PCDHGA2: variants seen among roughly 807,000 people sequenced by gnomAD.
PCDHGA2 encodes protocadherin gamma subfamily A, 2.
PCDHGA2 carries 40 observed loss-of-function variants against 59.2 expected under a neutral mutation model. The observed-to-expected ratio is 0.68, with a 90% CI of 0.52 to 0.88. PCDHGA2 has a LOEUF of 0.88. PCDHGA2 is among the 40% of genes least tolerant of loss of function. The pLI, the probability that PCDHGA2 is intolerant of heterozygous loss-of-function variation, is 0.00. For synonymous variants in PCDHGA2, 560 were observed against 526.0 expected (o/e 1.06, Z -0.89); for missense variants, 1,226 against 1,204.0 (o/e 1.02, Z -0.27).
At chr5:141,419,753 T>C (rs764151937) in intron 1 of PCDHGA2, 10 of 1,613,856 alleles carry the variant, frequency 6.2e-6, no homozygotes, top group South Asian at 2.2e-5. Context: ...GGTGCGTGCT[T>C]TGGGTGACAA....
chr5:141,457,301 CCAAA>C (rs1163780799), intron 1 of PCDHGA2, among the ~76,000 whole-genome samples: 1 of 152,090 alleles, frequency 6.6e-6, no homozygotes, highest in Non-Finnish European at 1.5e-5. Context: ...TTTTATTTTC[CCAAA>C]CAAAGAAACC....
chr5:141,510,814 CT>C, intron 3 of PCDHGA2, 132 bp from the exon 4 acceptor site: 1 of 1,544,688 alleles, frequency 6.5e-7, no homozygotes, highest in Non-Finnish European at 8.8e-7. Context: ...TTGGTGACCC[CT>C]ATATTCCCAG....
intron 1 of PCDHGA2, among the ~76,000 whole-genome samples, chr5:141,472,178 A>G (rs1337942457): frequency 6.6e-6 from 1 of 152,210 alleles, no homozygotes; most frequent in African/African-American, 2.4e-5. Flanking sequence ...AATATCCAGT[A>G]TTGGAATTTG....
Position 141,340,601 on chromosome 5 carries a change from A to G in PCDHGA2, c.1630A>G (p.Ser544Gly). 1.2e-6 allele frequency: 2 copies of G among 1,614,220 alleles called. No individual in the cohort carries two copies. The highest frequency in any genetic ancestry group is 1.7e-6 in the Non-Finnish European group (2 of 1,180,038). The change falls in exon 1 of 4, where the codon AGC (serine) becomes GGC (glycine). Residue 544 changes from serine to glycine, a missense_variant. Coordinates refer to ENST00000394576, the MANE Select transcript of PCDHGA2 (RefSeq NM_018915.4). The part of the protein sequence containing the change: ...ARDSGNPPLS[S>G]NVSLSLFVLD... ...GGACAGCGGGAACCCTCCACTCAGT[A>G]GCAATGTATCATTAAGCCTGTTCGT...
chr5:141,414,635 A>G (rs753834653), intron 1 of PCDHGA2: 72 of 1,613,866 alleles, frequency 4.5e-5, no homozygotes, highest in Admixed American at 2.0e-4. Flanking sequence ...GACAGCAAAG[A>G]GAATGCCCAG....
At chr5:141,413,189 G>C in intron 1 of PCDHGA2, 7 of 1,606,972 alleles carry the variant, frequency 4.4e-6, no homozygotes, top group Non-Finnish European at 6.0e-6. Context: ...GCCGCTCAAA[G>C]GAATCGCTCA....
chr5:141,371,323 AAGAG>A, intron 1 of PCDHGA2: 4 of 1,614,012 alleles, frequency 2.5e-6, no homozygotes, highest in Non-Finnish European at 3.4e-6. Flanking sequence ...CTGGACTTTG[AAGAG>A]AGAGATAGCT....
In PCDHGA2 at chr5:141,374,472, C is replaced by T. The variant is rs749966400; in HGVS notation, c.2424+33077C>T. The T allele has an allele frequency of 5.0e-6, 8 of 1,612,276 alleles. No individual in the cohort carries two copies. The South Asian group carries it at 7.7e-5, about 15-fold the overall frequency. ...GAAATAGTGGACATTAATGACAATA[C>T]ACCCCGATTCTTAAAGGAAGAATTG... On this transcript the variant is annotated intron_variant, in intron 1 of 3. Transcript: ENST00000394576.
At chr5:141,351,772 C>T (rs1758814915) in intron 1 of PCDHGA2, 1 of 1,613,538 alleles carries the variant, frequency 6.2e-7, no homozygotes, top group East Asian at 2.2e-5. Flanking sequence ...TGTCCGTGAG[C>T]CCGCAGAGCG....
At chr5:141,371,563 T>C in intron 1 of PCDHGA2, 2 of 1,613,806 alleles carry the variant, frequency 1.2e-6, no homozygotes, top group Non-Finnish European at 1.7e-6. Flanking sequence ...AAAGGAAACT[T>C]CCCCTTTAAA....
intron 1 of PCDHGA2, chr5:141,383,110 A>G (rs754398892): frequency 1.9e-6 from 3 of 1,614,020 alleles, no homozygotes; most frequent in South Asian, 1.1e-5. Flanking sequence ...CTCCAGAGGT[A>G]GGACGCAGCT....
At chr5:141,367,492 G>A (rs1260519213) in intron 1 of PCDHGA2, 2 of 152,030 alleles carry the variant, frequency 1.3e-5, no homozygotes, top group African/African-American at 2.4e-5. Context: ...AGCCGAGATC[G>A]CGCCACTGCA....
At chr5:141,405,560 G>A in intron 1 of PCDHGA2, 1 of 613,636 alleles carries the variant, frequency 1.6e-6, no homozygotes, top group Non-Finnish European at 2.9e-6. Context: ...GAGTAGCTGG[G>A]ACTAGAGTAG....
At chr5:141,418,031 G>A (rs760396058) in intron 1 of PCDHGA2, 1 of 1,614,022 alleles carries the variant, frequency 6.2e-7, no homozygotes, top group Non-Finnish European at 8.5e-7. Context: ...AGGGCTTAGT[G>A]TCCTGGATGT....
intron 1 of PCDHGA2, chr5:141,366,110 G>A (rs780243212): frequency 1.9e-6 from 3 of 1,614,230 alleles, no homozygotes; most frequent in South Asian, 1.1e-5. Flanking sequence ...GGTGGTAGCG[G>A]TGGACAAAGA....
chr5:141,389,770 C>A, intron 1 of PCDHGA2: 4 of 1,613,166 alleles, frequency 2.5e-6, no homozygotes, highest in Non-Finnish European at 3.4e-6. Context: ...ACAGCGCGTG[C>A]CTTAGGCGAC....
intron 1 of PCDHGA2, chr5:141,365,323 T>C (rs1307889489): frequency 6.2e-7 from 1 of 1,613,858 alleles, no homozygotes; most frequent in African/African-American, 1.3e-5. Flanking sequence ...TTGCCAGCGC[T>C]AAGGTGGTGG....
chr5:141,360,392 T>G (rs765496414), intron 1 of PCDHGA2: 106 of 1,613,788 alleles, frequency 6.6e-5, no homozygotes, highest in Non-Finnish European at 8.9e-5. Context: ...GACTTACTTG[T>G]GAGTGACAGA....
chr5:141,410,885 G>A (rs970749503), intron 1 of PCDHGA2: 7 of 287,302 alleles, frequency 2.4e-5, no homozygotes, highest in African/African-American at 1.6e-4. Context: ...ATGGAGTCTC[G>A]CACTGTTGCC....
Sources: gnomAD v4.1 joint callset for allele counts (sites outside exome capture counted in the v4.1 genomes callset) on GRCh38, gnomAD v4.1.1 for gene constraint, MANE v1.5 for transcripts, NCBI Gene and HGNC (gene_info 2026-07-23, HGNC 2026-07-21) for gene names.